OSTF1: variants seen among roughly 807,000 people sequenced by gnomAD.
The protein encoded by OSTF1 is osteoclast stimulating factor 1.
A neutral mutation model predicts 37.2 loss-of-function variants in OSTF1; 27 were observed. The observed-to-expected ratio is 0.73, with a 90% CI of 0.54 to 1.00. The LOEUF (loss-of-function observed/expected upper bound fraction) is 1.00, where lower values mean the gene tolerates loss of function less well. Among genes scored for constraint, OSTF1 ranks in the 50% least tolerant of loss-of-function variants. The pLI is 0.00. For synonymous variants in OSTF1, 82 were observed against 89.2 expected (o/e 0.92, Z 0.46); for missense variants, 232 against 253.8 (o/e 0.91, Z 0.58).
intron 2 of OSTF1, among the ~76,000 whole-genome samples, chr9:75,119,892 T>C (rs1243277168): frequency 6.6e-6 from 1 of 151,708 alleles, no homozygotes; most frequent in Non-Finnish European, 1.5e-5. Context: ...TGAACCCAGG[T>C]GGCAGAGATT....
chr9:75,091,360 C>G (rs1158402651), intron 1 of OSTF1, among the ~76,000 whole-genome samples: 1 of 152,020 alleles, frequency 6.6e-6, no homozygotes, highest in South Asian at 2.1e-4. Context: ...CTGTGCCTGG[C>G]CAAAGTCTGC....
At chr9:75,120,182 C>G (rs1422179313) in intron 2 of OSTF1, among the ~76,000 whole-genome samples, 1 of 152,126 alleles carries the variant, frequency 6.6e-6, no homozygotes, top group Non-Finnish European at 1.5e-5. Flanking sequence ...GTAAAGTTGA[C>G]AAATTGTTAA....
intron 3 of OSTF1, among the ~76,000 whole-genome samples, chr9:75,127,928 A>G (rs9776041): frequency 0.11 from 17,243 of 152,030 alleles, 1,353 homozygotes; most frequent in African/African-American, 0.23. Context: ...AATGTAGATA[A>G]TATATCCTCA....
intron 7 of OSTF1, among the ~76,000 whole-genome samples, chr9:75,135,063 G>T (rs1243142238): frequency 6.6e-6 from 1 of 152,078 alleles, no homozygotes; most frequent in Non-Finnish European, 1.5e-5. Flanking sequence ...TGGTCCCTGT[G>T]GCCCTTTGCT....
intron 2 of OSTF1, among the ~76,000 whole-genome samples, chr9:75,122,561 C>G (rs1029430324): frequency 6.6e-6 from 1 of 152,174 alleles, no homozygotes; most frequent in African/African-American, 2.4e-5. Context: ...CTGGTCATGA[C>G]ACCATGATGG....
intron 1 of OSTF1, among the ~76,000 whole-genome samples, chr9:75,102,021 G>T (rs1180718368): frequency 6.6e-6 from 1 of 152,162 alleles, no homozygotes; most frequent in Non-Finnish European, 1.5e-5. Flanking sequence ...TAGGCTGGAA[G>T]GGCAGTGGCA....
rs781192921 is a variant in OSTF1, at chr9:75,137,599, A to G, written c.470A>G (p.Gln157Arg). 3.2e-5 allele frequency: 51 copies of G among 1,611,514 alleles called. No individual in the cohort carries two copies. Among genetic ancestry groups the G allele is most frequent in the Non-Finnish European group, 4.2e-5 (50 of 1,177,604 alleles). Residue 157 changes from glutamine to arginine, a missense_variant, in exon 8 of 10, where the codon CAG becomes CGG. Physicochemically the swap from Gln to Arg is conservative, Grantham distance 43 (BLOSUM62 1). Coordinates refer to ENST00000346234, the MANE Select transcript of OSTF1 (RefSeq NM_012383.5). ...AAWKGYADIV[Q>R]LLLAKGARTD... ...TGGAAGGGTTATGCAGATATCGTCC[A>G]GTTGCTTCTGGCAAAAGGTAAAGTT... is the stretch of plus-strand genomic sequence containing the variant.
chr9:75,100,385 A>T (rs997098849), intron 1 of OSTF1, among the ~76,000 whole-genome samples: 13 of 152,300 alleles, frequency 8.5e-5, no homozygotes, highest in African/African-American at 3.1e-4. Flanking sequence ...TCATAAAAAG[A>T]TAAAATGATC....
chr9:75,103,643 C>G (rs1047642382), intron 1 of OSTF1, among the ~76,000 whole-genome samples: 43 of 152,118 alleles, frequency 2.8e-4, no homozygotes, highest in African/African-American at 9.4e-4. Flanking sequence ...TGGTAATTCC[C>G]TCTGTTGCTA....
Position 75,130,197 on chromosome 9 carries a change from T to C in OSTF1, c.133-381T>C, listed in dbSNP as rs1587467718. ...AGTTACCCCCAAAATGAAGATAATA[T>C]AAAGAGATCTTTAGAACTTCCTCCC... On this transcript the variant is annotated intron_variant, in intron 3 of 9. Coordinates refer to ENST00000346234, the MANE Select transcript of OSTF1 (RefSeq NM_012383.5). Among the ~76,000 whole-genome samples the C allele has an allele frequency of 2.0e-5, 3 of 152,274 alleles. No individual in the cohort carries two copies. In the East Asian group the frequency reaches 5.8e-4, roughly 29 times the overall value.
chr9:75,109,459 C>T (rs1055568694), intron 1 of OSTF1, among the ~76,000 whole-genome samples: 3 of 152,196 alleles, frequency 2.0e-5, no homozygotes, highest in African/African-American at 4.8e-5. Context: ...ATCCATCTAC[C>T]TGTCCATGCC....
chr9:75,104,258 A>ATTATGGCCAGGTGCAGTG (rs1477998609), intron 1 of OSTF1, among the ~76,000 whole-genome samples: 1 of 152,036 alleles, frequency 6.6e-6, no homozygotes, highest in African/African-American at 2.4e-5. Flanking sequence ...CAAAAAAAGC[A>ATTATGGCCAGGTGCAGTG]TTATGGCCAG....
chr9:75,099,573 A>T lies in OSTF1; in HGVS notation c.34+10847A>T, dbSNP rs1825153106. ...CTGGGTGTGGTGGCTCACGCCTGTA[A>T]TCCCAGCACTTTGGGAGGCCAAGGC... On this transcript the variant is annotated intron_variant, in intron 1 of 9. Transcript: ENST00000346234. 2.0e-5 allele frequency among the ~76,000 whole-genome samples: 3 copies of T among 152,232 alleles called. No homozygotes were observed. The South Asian group carries it at 6.2e-4, about 32-fold the overall frequency.
intron 3 of OSTF1, 96 bp downstream of exon 3, chr9:75,127,715 A>T: frequency 4.4e-6 from 3 of 682,516 alleles, no homozygotes; most frequent in Non-Finnish European, 7.6e-6. Context: ...ACATAGAAAT[A>T]CATATGTACA....
At chr9:75,110,739 T>G (rs1163032133) in intron 1 of OSTF1, among the ~76,000 whole-genome samples, 4 of 151,860 alleles carry the variant, frequency 2.6e-5, no homozygotes, top group Non-Finnish European at 4.4e-5. Context: ...GAGACAAGAT[T>G]TCACTCTGTC....
At position 75,146,873 on chromosome 9, in the gene OSTF1, G is replaced by A. The variant is rs1587485832; in HGVS notation, c.*132G>A. 2 of 591,812 alleles carry A rather than the reference G, an allele frequency of 3.4e-6. No homozygotes were observed. The highest frequency in any genetic ancestry group is 3.1e-5 in the East Asian group (1 of 31,786). 36.7% of individuals were successfully genotyped at this position (591,812 alleles called of 1,614,324 possible). A position where few individuals can be genotyped will look rare whatever the true frequency, so the allele number is the denominator to read the frequency against. ...CACGGCAGTGTTGCACTGTGTTTGA[G>A]TAGAACGTGTAAATGAATTGTTCCC... On this transcript the variant is annotated 3_prime_UTR_variant, in exon 10 of 10. Transcript: ENST00000346234.
intron 9 of OSTF1, among the ~76,000 whole-genome samples, chr9:75,141,312 C>CAAAAAAAAAAAAAAAAAAAAAAAA (rs529293090): frequency 1.1e-4 from 8 of 71,678 alleles, no homozygotes; most frequent in Admixed American, 1.9e-4. Context: ...AAAAGAAAAC[C>CAAAAAAAAAAAAAAAAAAAAAAAA]AAAAAAAAAA....
At chr9:75,141,262 C>T (rs1022959880) in intron 9 of OSTF1, among the ~76,000 whole-genome samples, 2 of 137,780 alleles carry the variant, frequency 1.5e-5, no homozygotes, top group African/African-American at 5.5e-5. Flanking sequence ...GATCGCACCA[C>T]TGCATTCCAG....
At chr9:75,118,630 TG>T (rs1825530224) in intron 2 of OSTF1, among the ~76,000 whole-genome samples, 1 of 152,024 alleles carries the variant, frequency 6.6e-6, no homozygotes, top group South Asian at 2.1e-4. Context: ...TACCTGAGAC[TG>T]GGTAATGTAT....
Sources: allele counts gnomAD v4.1 joint callset (sites outside exome capture counted in the v4.1 genomes callset), GRCh38; gene constraint gnomAD v4.1.1; transcripts MANE v1.5; gene names NCBI Gene and HGNC (gene_info 2026-07-23, HGNC 2026-07-21).